The following SRGAP3 variants were observed in gnomAD, a reference collection of about 807,000 sequenced individuals.
SRGAP3 encodes the protein SLIT-ROBO Rho GTPase-activating protein 3.
Under a neutral mutation model 121.1 loss-of-function variants are expected in SRGAP3, and 39 were observed. The observed-to-expected ratio is 0.32, with a 90% confidence interval of 0.25 to 0.42. SRGAP3 has a LOEUF of 0.42. Ranked by LOEUF, SRGAP3 falls within the 10% of genes least tolerant of loss-of-function variation. The pLI, the probability that SRGAP3 is intolerant of heterozygous loss-of-function variation, is 1.00. For missense variants in SRGAP3, 1,213 were observed against 1,470.6 expected, an observed-to-expected ratio of 0.82 and a Z score of 2.86; for synonymous variants, 601 against 570.0, an observed-to-expected ratio of 1.05 and a Z score of -0.77.
At chr3:9,098,538 C>T (rs1407741480) in intron 3 of SRGAP3, among the ~76,000 whole-genome samples, 8 of 152,156 alleles carry the variant, frequency 5.3e-5, no homozygotes, top group Non-Finnish European at 8.8e-5. Flanking sequence ...GTGCTGGGAT[C>T]ACAGGTGTGA....
intron 3 of SRGAP3, among the ~76,000 whole-genome samples, chr3:9,092,821 T>A (rs1947811009): frequency 1.3e-5 from 2 of 152,276 alleles, no homozygotes; most frequent in African/African-American, 2.4e-5. Context: ...CTCAATCCTG[T>A]CCCACCCTGG....
intron 4 of SRGAP3, among the ~76,000 whole-genome samples, chr3:9,074,994 G>T (rs1415708891): frequency 1.3e-5 from 2 of 152,180 alleles, no homozygotes; most frequent in Admixed American, 1.3e-4. Context: ...AGAGACAGGT[G>T]GGGGGACACT....
At chr3:9,050,397 C>T (rs1214605312) in intron 9 of SRGAP3, among the ~76,000 whole-genome samples, 1 of 152,190 alleles carries the variant, frequency 6.6e-6, no homozygotes, top group Non-Finnish European at 1.5e-5. Context: ...CTGGTTAGCG[C>T]AAATTACAGC....
intron 20 of SRGAP3, 110 bp from the exon 21 acceptor site, chr3:8,990,949 G>T (rs1279930628): frequency 2.0e-6 from 2 of 991,938 alleles, no homozygotes; most frequent in East Asian, 2.7e-5. Flanking sequence ...CTAAGGAGCG[G>T]GTACAGTAAA....
intron 18 of SRGAP3, among the ~76,000 whole-genome samples, chr3:9,008,657 A>G (rs1943207430): frequency 6.6e-6 from 1 of 152,216 alleles, no homozygotes; most frequent in Non-Finnish European, 1.5e-5. Context: ...CGGCCTTCAC[A>G]TCTCCAAACA....
intron 1 of SRGAP3, among the ~76,000 whole-genome samples, chr3:9,146,897 G>A (rs1419200507): frequency 6.6e-6 from 1 of 152,228 alleles, no homozygotes; most frequent in Non-Finnish European, 1.5e-5. Flanking sequence ...CTGGAGACCT[G>A]ACGCCCAGCG....
In SRGAP3 at chr3:9,136,215, T is replaced by C. The variant is rs548117178; in HGVS notation, c.68-11298A>G. Among the ~76,000 whole-genome samples, 32 of 152,274 alleles carry C rather than the reference T, an allele frequency of 2.1e-4. No homozygotes were observed. The East Asian group carries it at 3.9e-3, about 18-fold the overall frequency. ...GGCCCTGCACAAAAGACTCGTGCGC[T>C]GCCCGGACACGGGCTCCCCATTGCC... On this transcript the variant is annotated intron_variant, in intron 1 of 21. Coordinates refer to ENST00000383836, the MANE Select transcript of SRGAP3 (RefSeq NM_014850.4).
At position 9,263,595 on chromosome 3, in the gene SRGAP3, T is replaced by C. The variant is rs540877399; in HGVS notation, n.442+62415A>G. On this transcript the variant is annotated intron_variant and non_coding_transcript_variant, in intron 3 of 3. Transcript: ENST00000490889. ...ACCATCAGAGAATACTATAAACACC[T>C]CTATGCAAATAAACTAGAAAATCTA... Among the ~76,000 whole-genome samples, 6 of 152,172 alleles carry C rather than the reference T, an allele frequency of 3.9e-5. No homozygotes were observed. In the South Asian group the frequency reaches 1.2e-3, roughly 32 times the overall value.
chr3:9,175,822 A>T (rs956640925), intron 1 of SRGAP3, among the ~76,000 whole-genome samples: 7 of 152,228 alleles, frequency 4.6e-5, no homozygotes, highest in African/African-American at 1.4e-4. Flanking sequence ...CGTTATCAGC[A>T]AAGGTGATTT....
At chr3:9,288,789 T>G (rs2125269279) in intron 3 of SRGAP3, among the ~76,000 whole-genome samples, 1 of 151,992 alleles carries the variant, frequency 6.6e-6, no homozygotes, top group East Asian at 1.9e-4. Context: ...TTGCCCAGGC[T>G]GGTCTTGAAC....
In SRGAP3 at chr3:9,035,784, G is replaced by A. The variant is rs114461066; in HGVS notation, c.1436+2279C>T. On this transcript the variant is annotated intron_variant, in intron 11 of 21. Transcript: ENST00000383836. ...AAAATTATCCTGCAACTAAAGGGAT[G>A]TGATGAAAAATTCCCCTAGATAACC... The A allele has an allele frequency of 3.6e-3, 578 of 159,288 alleles. 6 individuals are homozygous for A. The highest frequency in any genetic ancestry group is 0.013 in the African/African-American group (557 of 41,748). 9.9% of individuals were successfully genotyped at this position (159,288 alleles called of 1,614,324 possible).
intron 3 of SRGAP3, among the ~76,000 whole-genome samples, chr3:9,259,147 G>A (rs1004690129): frequency 2.0e-5 from 3 of 151,840 alleles, no homozygotes; most frequent in East Asian, 1.9e-4. Flanking sequence ...CTCCTGCGTC[G>A]CCTTCTCACA....
intron 8 of SRGAP3, among the ~76,000 whole-genome samples, chr3:9,053,659 G>C (rs1441647994): frequency 6.6e-6 from 1 of 152,244 alleles, no homozygotes; most frequent in Non-Finnish European, 1.5e-5. Flanking sequence ...GTTGACAATG[G>C]TGGGCAGCCA....
intron 18 of SRGAP3, among the ~76,000 whole-genome samples, chr3:8,999,054 G>A (rs1186142700): frequency 6.6e-6 from 1 of 152,222 alleles, no homozygotes; most frequent in Non-Finnish European, 1.5e-5. Flanking sequence ...GATATACAAT[G>A]CTCTGTGTTT....
intron 18 of SRGAP3, among the ~76,000 whole-genome samples, chr3:9,000,279 A>C (rs1026227067): frequency 2.0e-5 from 3 of 152,234 alleles, no homozygotes; most frequent in African/African-American, 7.2e-5. Context: ...TACTTTGGGC[A>C]TGGCACCACT....
At chr3:9,296,491 G>C (rs1277914224) in intron 3 of SRGAP3, among the ~76,000 whole-genome samples, 1 of 152,226 alleles carries the variant, frequency 6.6e-6, no homozygotes, top group African/African-American at 2.4e-5. Flanking sequence ...GGCAGAGTAA[G>C]GGAAGCCTAA....
Position 8,985,893 on chromosome 3 carries a change from G to A in SRGAP3, c.2926C>T (p.Arg976Trp), listed in dbSNP as rs1353283892. The A allele has an allele frequency of 6.3e-7, 1 of 1,599,784 alleles. No individual in the cohort carries two copies. ...KTMSTALHEL[R>W]ELERQNTVKQ... ...ACCGTGTTCTGCCTCTCGAGTTCCCGCAACTCGTGCAGAGCCGTGCTCATG... is the reference window on the plus strand; with the variant it reads ...ACCGTGTTCTGCCTCTCGAGTTCCCACAACTCGTGCAGAGCCGTGCTCATG... The change falls in exon 22 of 22, where the codon CGG (arginine) becomes TGG (tryptophan). Residue 976 changes from arginine (R) to tryptophan (W), a missense_variant. This residue lies in a region of SRGAP3 where 420 missense variants were observed against 437.7 expected (regional missense o/e 0.96). Transcript: ENST00000383836. The surrounding 1 kb of genome is among the most constrained non-coding windows in gnomAD (Gnocchi z 5.1).
chr3:8,983,400 T>C lies in SRGAP3; in HGVS notation c.*2119A>G, dbSNP rs1941519698. ...CCTTTTTTTGTTCCTCTCCTGATGC[T>C]CCCTTCCACTGTGGGGTGTCAAGTC... On this transcript the variant is annotated 3_prime_UTR_variant, in exon 22 of 22. Coordinates refer to ENST00000383836, the MANE Select transcript of SRGAP3 (RefSeq NM_014850.4). 1 of 229,672 alleles carries C rather than the reference T, an allele frequency of 4.4e-6. No individual in the cohort carries two copies. The highest frequency in any genetic ancestry group is 8.6e-6 in the Non-Finnish European group (1 of 115,954). The allele number at this position is 229,672 out of a possible 1,614,324, so 14.2% of individuals were successfully genotyped here.
chr3:9,225,511 C>T (rs1228080210), intron 1 of SRGAP3, among the ~76,000 whole-genome samples: 3 of 152,150 alleles, frequency 2.0e-5, no homozygotes, highest in Non-Finnish European at 4.4e-5. Flanking sequence ...GGGGTGTTTA[C>T]TGAGATGAAA....
Sources: gnomAD v4.1 joint callset for allele counts (sites outside exome capture counted in the v4.1 genomes callset) on GRCh38, gnomAD v4.1.1 for gene constraint, gnomAD v4.1.1 regional missense constraint, Gnocchi (gnomAD v3.1) non-coding constraint, MANE v1.5 for transcripts, NCBI Gene and HGNC (gene_info 2026-07-23, HGNC 2026-07-21) for gene names.